The following COPG2 variants were observed in gnomAD, a reference collection of about 807,000 sequenced individuals.
COPG2 encodes coatomer subunit gamma-2.
In COPG2, 37 loss-of-function variants were observed where a neutral mutation model predicts 46.3. That is an observed-to-expected ratio of 0.80 (90% CI 0.61 to 1.05). COPG2 has a LOEUF of 1.05. Among genes scored for constraint, COPG2 ranks in the 50% least tolerant of loss-of-function variants. The probability of loss-of-function intolerance (pLI) is 0.00; values close to 1 mark genes in which losing one functional copy is unlikely to be tolerated. For missense variants in COPG2, 427 were observed against 387.8 expected (o/e 1.10, Z -0.85); for synonymous variants, 159 against 129.7 (o/e 1.23, Z -1.53).
chr7:130,507,664 T>A, intron 22 of COPG2, 21 bp downstream of exon 22: 1 of 779,562 alleles, frequency 1.3e-6, no homozygotes, highest in Non-Finnish European at 2.4e-6. Context: ...GGCAATATAC[T>A]GATAGCAAAA....
chr7:130,659,086 T>C (rs1204706242), intron 4 of COPG2, among the ~76,000 whole-genome samples: 2 of 151,898 alleles, frequency 1.3e-5, no homozygotes, highest in African/African-American at 4.8e-5. Flanking sequence ...CCGGGCGCGG[T>C]AGCTTACGCC....
intron 5 of COPG2, among the ~76,000 whole-genome samples, chr7:130,620,581 T>C (rs1409960901): frequency 6.6e-6 from 1 of 152,222 alleles, no homozygotes; most frequent in East Asian, 1.9e-4. Context: ...GGAATGTATA[T>C]AATTGTTATT....
intron 4 of COPG2, among the ~76,000 whole-genome samples, chr7:130,662,095 G>GT (rs1434553365): frequency 6.6e-6 from 1 of 152,166 alleles, no homozygotes; most frequent in African/African-American, 2.4e-5. Flanking sequence ...CCTAAATTCT[G>GT]TGACATCTTC....
chr7:130,612,573 GAAGA>G (rs1201223406), intron 7 of COPG2, among the ~76,000 whole-genome samples: 1 of 152,104 alleles, frequency 6.6e-6, no homozygotes, highest in Non-Finnish European at 1.5e-5. Flanking sequence ...AACTCCCCTG[GAAGA>G]AAGAGAGTAC....
chr7:130,535,019 G>C (rs1799864594), intron 20 of COPG2, among the ~76,000 whole-genome samples: 1 of 152,182 alleles, frequency 6.6e-6, no homozygotes, highest in Non-Finnish European at 1.5e-5. Flanking sequence ...TGAATCAGTG[G>C]AAGATCCGGA....
chr7:130,550,190 C>T (rs959929573), intron 17 of COPG2, among the ~76,000 whole-genome samples: 2 of 151,974 alleles, frequency 1.3e-5, no homozygotes, highest in Admixed American at 1.3e-4. Flanking sequence ...GTGGGTGGAT[C>T]ACCTGAGGTC....
intron 9 of COPG2, among the ~76,000 whole-genome samples, chr7:130,590,460 G>C (rs1794375622): frequency 6.6e-6 from 1 of 152,210 alleles, no homozygotes; most frequent in Admixed American, 6.5e-5. Flanking sequence ...GTTTCGCTGT[G>C]TTGGCCGGGC....
chr7:130,546,636 C>T (rs1793448612), intron 20 of COPG2, among the ~76,000 whole-genome samples: 1 of 152,168 alleles, frequency 6.6e-6, no homozygotes, highest in Non-Finnish European at 1.5e-5. Flanking sequence ...CTACCTCGTG[C>T]TAGAGTCTGA....
At chr7:130,652,276 A>G (rs782329498) in intron 5 of COPG2, among the ~76,000 whole-genome samples, 7 of 152,210 alleles carry the variant, frequency 4.6e-5, no homozygotes, top group Non-Finnish European at 1.0e-4. Flanking sequence ...CAATTATTCA[A>G]TAAATGTTGC....
intron 10 of COPG2, among the ~76,000 whole-genome samples, chr7:130,563,566 C>T (rs1584974495): frequency 1.3e-5 from 2 of 151,088 alleles, no homozygotes. Context: ...TACATTTTAT[C>T]ACAGCATCAA....
intron 5 of COPG2, among the ~76,000 whole-genome samples, chr7:130,639,881 G>A (rs1477751831): frequency 6.6e-6 from 1 of 152,054 alleles, no homozygotes; most frequent in Non-Finnish European, 1.5e-5. Flanking sequence ...CCTGTACTAT[G>A]CAAGTGGGCC....
intron 9 of COPG2, among the ~76,000 whole-genome samples, chr7:130,598,295 C>T (rs1360668730): frequency 6.6e-6 from 1 of 152,130 alleles, no homozygotes; most frequent in Non-Finnish European, 1.5e-5. Flanking sequence ...TCAGCAATGC[C>T]TCGGCATGAG....
chr7:130,521,722 A>G (rs1439227162), intron 20 of COPG2, among the ~76,000 whole-genome samples: 4 of 152,240 alleles, frequency 2.6e-5, no homozygotes, highest in Admixed American at 6.5e-5. Flanking sequence ...AACATTTCAG[A>G]GTAACTTAAG....
At chr7:130,593,691 G>T (rs1554449340) in intron 9 of COPG2, among the ~76,000 whole-genome samples, 1 of 151,902 alleles carries the variant, frequency 6.6e-6, no homozygotes, top group East Asian at 1.9e-4. Context: ...TTCAACTAAT[G>T]GTGCTGAGAT....
At chr7:130,635,403 A>G (rs530278882) in intron 5 of COPG2, among the ~76,000 whole-genome samples, 1 of 152,158 alleles carries the variant, frequency 6.6e-6, no homozygotes, top group African/African-American at 2.4e-5. Context: ...TTATTGGTCT[A>G]TTCAGGGATT....
chr7:130,590,577 G>C (rs1405430572), intron 9 of COPG2, among the ~76,000 whole-genome samples: 2 of 152,014 alleles, frequency 1.3e-5, no homozygotes, highest in Non-Finnish European at 2.9e-5. Context: ...GCCCAGGCTG[G>C]AGTGCAGTGG....
At chr7:130,645,852 C>T (rs1478765869) in intron 5 of COPG2, among the ~76,000 whole-genome samples, 1 of 152,150 alleles carries the variant, frequency 6.6e-6, no homozygotes, top group Non-Finnish European at 1.5e-5. Flanking sequence ...AAGCTATTAT[C>T]ATTACTTGGC....
intron 5 of COPG2, among the ~76,000 whole-genome samples, chr7:130,621,568 G>C (rs909832545): frequency 6.6e-6 from 1 of 152,118 alleles, no homozygotes; most frequent in Non-Finnish European, 1.5e-5. Flanking sequence ...CAGCATTTTG[G>C]GAGGCCAAGG....
chr7:130,553,249 C>G (rs975695077), intron 14 of COPG2, among the ~76,000 whole-genome samples: 147 of 151,886 alleles, frequency 9.7e-4, no homozygotes, highest in African/African-American at 3.2e-3. Context: ...GGCAATAAAA[C>G]AAAATTAGGG....
Sources: allele counts gnomAD v4.1 joint callset (sites outside exome capture counted in the v4.1 genomes callset), GRCh38; gene constraint gnomAD v4.1.1; transcripts MANE v1.5; gene names NCBI Gene and HGNC (gene_info 2026-07-23, HGNC 2026-07-21).